SLC25A48: variants seen among roughly 807,000 people sequenced by gnomAD.
SLC25A48 encodes CTC-321K16.1.
A neutral mutation model predicts 32.2 loss-of-function variants in SLC25A48; 29 were observed. That is an observed-to-expected ratio of 0.90 (90% confidence interval 0.67 to 1.23). The LOEUF is 1.23. Ranked by LOEUF, SLC25A48 falls within the 50% of genes most tolerant of loss-of-function variation. SLC25A48 has a pLI of 0.00. For synonymous variants in SLC25A48, 164 were observed against 172.3 expected, an observed-to-expected ratio of 0.95 and a Z score of 0.38; for missense variants, 399 against 422.7, an observed-to-expected ratio of 0.94 and a Z score of 0.49.
intron 2 of SLC25A48, 100 bp from the exon 3 acceptor site, chr5:135,850,324 CG>C: frequency 2.5e-6 from 3 of 1,178,794 alleles, no homozygotes; most frequent in East Asian, 2.4e-5. Context: ...CCTTTGCTGG[CG>C]GGGGTCACTA....
intron 1 of SLC25A48, among the ~76,000 whole-genome samples, chr5:135,584,602 C>G (rs993103617): frequency 6.6e-6 from 1 of 152,340 alleles, no homozygotes; most frequent in Non-Finnish European, 1.5e-5. Flanking sequence ...GGTATCCAGA[C>G]TGTTTGAAGT....
intron 3 of SLC25A48, among the ~76,000 whole-genome samples, chr5:135,788,377 T>C (rs893167219): frequency 2.0e-5 from 3 of 149,218 alleles, no homozygotes; most frequent in Admixed American, 6.7e-5. Context: ...CGCCATATGG[T>C]CCATAGTATC....
intron 3 of SLC25A48, among the ~76,000 whole-genome samples, chr5:135,733,113 C>A (rs1386831708): frequency 6.6e-6 from 1 of 152,114 alleles, no homozygotes; most frequent in Non-Finnish European, 1.5e-5. Flanking sequence ...ACACATAGTC[C>A]TTTTGCAAGG....
intron 1 of SLC25A48, among the ~76,000 whole-genome samples, chr5:135,608,398 T>C (rs1751988844): frequency 6.6e-6 from 1 of 152,224 alleles, no homozygotes; most frequent in Non-Finnish European, 1.5e-5. Flanking sequence ...AGATCAGTGC[T>C]TGAGTATGTA....
intron 7 of SLC25A48, among the ~76,000 whole-genome samples, chr5:135,883,601 G>A (rs1023663967): frequency 8.5e-5 from 13 of 152,180 alleles, no homozygotes; most frequent in African/African-American, 3.1e-4. Flanking sequence ...CTGAGCCGGG[G>A]CAGCCTGGCT....
At chr5:135,793,429 C>A (rs563874047) in intron 3 of SLC25A48, among the ~76,000 whole-genome samples, 1 of 151,732 alleles carries the variant, frequency 6.6e-6, no homozygotes, top group Admixed American at 6.6e-5. Context: ...TTTGTTTACA[C>A]CATATTTGTA....
At chr5:135,692,708 C>T (rs1247878665) in intron 3 of SLC25A48, among the ~76,000 whole-genome samples, 3 of 152,192 alleles carry the variant, frequency 2.0e-5, no homozygotes, top group Non-Finnish European at 4.4e-5. Context: ...GAAAAAGTTA[C>T]ATAGCAGAGT....
chr5:135,827,498 T>C (rs1561512722), intron 4 of SLC25A48: 1 of 152,354 alleles, frequency 6.6e-6, no homozygotes, highest in East Asian at 1.9e-4. Flanking sequence ...ATTTGGGATT[T>C]GGAGTATGAT....
At chr5:135,780,864 C>A (rs1756701710) in intron 3 of SLC25A48, among the ~76,000 whole-genome samples, 1 of 115,208 alleles carries the variant, frequency 8.7e-6, no homozygotes, top group Non-Finnish European at 2.1e-5. Context: ...TTTCTAATAT[C>A]CAAGGTGGGG....
chr5:135,766,503 G>T (rs1052879104), intron 3 of SLC25A48, among the ~76,000 whole-genome samples: 1 of 151,232 alleles, frequency 6.6e-6, no homozygotes, highest in African/African-American at 2.4e-5. Context: ...GGGGGGAGAG[G>T]GTAACATTAC....
rs374362312 is a variant in SLC25A48 at position 135,679,355 on chromosome 5, G to A, written c.-521+44399G>A. Among the ~76,000 whole-genome samples the A allele has an allele frequency of 5.0e-4, 76 of 152,326 alleles. 1 individual carries two copies. The highest frequency in any genetic ancestry group is 1.4e-3 in the African/African-American group (59 of 41,570). ...AGCATGTCTGGGCACTGCGAGGGCC[G>A]AGCTGGGCCAGGTGGATCTGTCCTC... On this transcript the variant is annotated intron_variant, in intron 3 of 10. Transcript: ENST00000646290.
chr5:135,796,192 T>C (rs1757170323), intron 3 of SLC25A48, among the ~76,000 whole-genome samples: 1 of 151,718 alleles, frequency 6.6e-6, no homozygotes, highest in African/African-American at 2.4e-5. Flanking sequence ...CCCTGTGATA[T>C]GGTTCGCAAT....
chr5:135,843,203 A>G (rs1759145532), intron 2 of SLC25A48, among the ~76,000 whole-genome samples: 1 of 152,238 alleles, frequency 6.6e-6, no homozygotes, highest in South Asian at 2.1e-4. Flanking sequence ...GGGACATCCC[A>G]ATGCAGGGGG....
At chr5:135,773,290 A>G (rs559770031) in intron 3 of SLC25A48, among the ~76,000 whole-genome samples, 38 of 151,770 alleles carry the variant, frequency 2.5e-4, no homozygotes, top group African/African-American at 7.7e-4. Context: ...TATTACTATC[A>G]TCTTCTTTTC....
chr5:135,832,518 T>G (rs1006490015), upstream of SLC25A48, among the ~76,000 whole-genome samples: 1 of 151,856 alleles, frequency 6.6e-6, no homozygotes, highest in African/African-American at 2.4e-5. Context: ...CTGTGTAGAC[T>G]AAAGGTGCAG....
intron 1 of SLC25A48, chr5:135,601,047 C>T (rs1751786189): frequency 1.3e-5 from 2 of 152,070 alleles, no homozygotes; most frequent in African/African-American, 2.4e-5. Context: ...AATCCTTCCC[C>T]AGCTTCACAG....
chr5:135,654,026 C>T, intron 3 of SLC25A48: 1 of 414,494 alleles, frequency 2.4e-6, no homozygotes. Context: ...GTGGCAGTGG[C>T]AGCCAGAGAG....
intron 4 of SLC25A48, among the ~76,000 whole-genome samples, chr5:135,857,171 CT>C (rs1760399980): frequency 6.6e-6 from 1 of 152,212 alleles, no homozygotes; most frequent in Non-Finnish European, 1.5e-5. Context: ...TTCTTGACAA[CT>C]TTTTGTTCTA....
chr5:135,716,035 A>C (rs138260477), intron 3 of SLC25A48, among the ~76,000 whole-genome samples: 1 of 152,234 alleles, frequency 6.6e-6, no homozygotes, highest in Admixed American at 6.5e-5. Flanking sequence ...CCAGAAGTGC[A>C]GTTTCCAAGG....
Sources: allele counts gnomAD v4.1 joint callset (sites outside exome capture counted in the v4.1 genomes callset), GRCh38; gene constraint gnomAD v4.1.1; transcripts MANE v1.5; gene names NCBI Gene and HGNC (gene_info 2026-07-23, HGNC 2026-07-21).